The following FAM110B variants were observed in gnomAD, a reference collection of about 807,000 sequenced individuals.
The protein encoded by FAM110B is family with sequence similarity 110 member B, also known as protein FAM110B.
In FAM110B, 6 loss-of-function variants were observed where a neutral mutation model predicts 20.4. That is an observed-to-expected ratio of 0.29 (90% CI 0.16 to 0.58). FAM110B has a LOEUF of 0.58. Ranked by LOEUF, FAM110B falls within the 20% of genes least tolerant of loss-of-function variation. The pLI is 0.90. For missense variants in FAM110B, 434 were observed against 498.2 expected (o/e 0.87, Z 1.23); for synonymous variants, 226 against 214.1 (o/e 1.06, Z -0.49).
At chr8:58,024,577 G>T (rs762103163) in intron 1 of FAM110B, among the ~76,000 whole-genome samples, 1 of 152,148 alleles carries the variant, frequency 6.6e-6, no homozygotes, top group Non-Finnish European at 1.5e-5. Flanking sequence ...ATTTGTCCAA[G>T]GTACGTTATG....
chr8:58,075,730 T>C (rs1301920435), intron 3 of FAM110B, 107 bp downstream of exon 3: 1 of 152,096 alleles, frequency 6.6e-6, no homozygotes, highest in Non-Finnish European at 1.5e-5. Context: ...GTTTCAGATA[T>C]TTTGCTGTCT....
chr8:58,082,468 A>G (rs917268195), intron 3 of FAM110B, among the ~76,000 whole-genome samples: 10 of 152,290 alleles, frequency 6.6e-5, no homozygotes, highest in Middle Eastern at 3.4e-3. Flanking sequence ...TTTACATTCT[A>G]TGTCCTCAGA....
At chr8:58,144,064 G>A (rs1415939971) in intron 3 of FAM110B, among the ~76,000 whole-genome samples, 2 of 152,216 alleles carry the variant, frequency 1.3e-5, no homozygotes, top group Non-Finnish European at 2.9e-5. Flanking sequence ...TCGTGCCCCA[G>A]GAGAAGGGAG....
intron 2 of FAM110B, among the ~76,000 whole-genome samples, chr8:58,056,455 G>A (rs1234762496): frequency 6.6e-6 from 1 of 152,118 alleles, no homozygotes. Context: ...GACTAAGAGA[G>A]AGCACTGACA....
chr8:58,106,377 A>C (rs1197082429), intron 3 of FAM110B: 1 of 152,164 alleles, frequency 6.6e-6, no homozygotes, highest in East Asian at 1.9e-4. Context: ...CCTCCCCACC[A>C]AGAGTGATAA....
intron 2 of FAM110B, among the ~76,000 whole-genome samples, chr8:58,045,523 G>T (rs1161055805): frequency 3.3e-5 from 5 of 152,094 alleles, no homozygotes; most frequent in Admixed American, 1.3e-4. Context: ...GTCTTCTAAT[G>T]ACTTGGACTT....
intron 2 of FAM110B, among the ~76,000 whole-genome samples, chr8:58,040,106 C>A (rs1393893283): frequency 6.6e-6 from 1 of 152,140 alleles, no homozygotes; most frequent in Non-Finnish European, 1.5e-5. Context: ...CCCTTCTCTG[C>A]CTCCCAAAGC....
intron 3 of FAM110B, among the ~76,000 whole-genome samples, chr8:58,079,694 T>C (rs1215578488): frequency 1.3e-5 from 2 of 152,010 alleles, no homozygotes; most frequent in African/African-American, 4.8e-5. Flanking sequence ...GGTGGGAGGA[T>C]TGCTTCATCC....
intron 1 of FAM110B, among the ~76,000 whole-genome samples, chr8:57,999,929 G>C (rs1299381159): frequency 6.6e-6 from 1 of 152,018 alleles, no homozygotes; most frequent in Non-Finnish European, 1.5e-5. Flanking sequence ...CCATGAATGT[G>C]GAGTGTCTAC....
chr8:58,078,653 C>A (rs1806101078), intron 3 of FAM110B, among the ~76,000 whole-genome samples: 2 of 150,756 alleles, frequency 1.3e-5, no homozygotes, highest in Admixed American at 1.3e-4. Flanking sequence ...CAGGTTCACG[C>A]CATTCTCCTG....
chr8:58,119,988 G>A (rs1422130345), intron 3 of FAM110B, among the ~76,000 whole-genome samples: 1 of 152,166 alleles, frequency 6.6e-6, no homozygotes, highest in African/African-American at 2.4e-5. Context: ...CCAAGCCAAG[G>A]TCGGTCCGAC....
chr8:58,063,748 T>A (rs1169411422), intron 2 of FAM110B, among the ~76,000 whole-genome samples: 2 of 152,224 alleles, frequency 1.3e-5, no homozygotes, highest in East Asian at 3.8e-4. Flanking sequence ...AATAGGACTT[T>A]TTGATAACTT....
chr8:58,004,298 G>C (rs933561450), intron 1 of FAM110B, among the ~76,000 whole-genome samples: 1 of 152,082 alleles, frequency 6.6e-6, no homozygotes, highest in Non-Finnish European at 1.5e-5. Flanking sequence ...CCAATATAAG[G>C]CCATTTTGTC....
intron 2 of FAM110B, among the ~76,000 whole-genome samples, chr8:58,040,177 C>A (rs534013271): frequency 6.6e-6 from 1 of 151,864 alleles, no homozygotes; most frequent in Non-Finnish European, 1.5e-5. Flanking sequence ...TTTGAGTGAA[C>A]GCTTTTTTTT....
At chr8:58,104,140 C>G (rs761362880) in intron 3 of FAM110B, among the ~76,000 whole-genome samples, 2 of 152,192 alleles carry the variant, frequency 1.3e-5, no homozygotes, top group Non-Finnish European at 2.9e-5. Flanking sequence ...TACCTGTCAA[C>G]TTAAGAAACA....
chr8:58,068,666 C>T (rs1805826920), intron 2 of FAM110B, among the ~76,000 whole-genome samples: 1 of 151,380 alleles, frequency 6.6e-6, no homozygotes, highest in African/African-American at 2.4e-5. Context: ...TGGAATTTGA[C>T]TGGTAGAACA....
At chr8:57,999,162 C>A (rs563297890) in intron 1 of FAM110B, among the ~76,000 whole-genome samples, 3 of 152,272 alleles carry the variant, frequency 2.0e-5, no homozygotes, top group African/African-American at 7.2e-5. Flanking sequence ...CAGTTTTAAA[C>A]CGGCATTAAA....
intron 1 of FAM110B, among the ~76,000 whole-genome samples, chr8:58,021,815 A>G (rs759491655): frequency 2.6e-5 from 4 of 152,188 alleles, no homozygotes; most frequent in Non-Finnish European, 5.9e-5. Flanking sequence ...TATTCTGACT[A>G]CTAAATGATA....
At chr8:58,105,132 AT>A (rs1247947687) in intron 3 of FAM110B, among the ~76,000 whole-genome samples, 11 of 151,608 alleles carry the variant, frequency 7.3e-5, no homozygotes. Flanking sequence ...GGAGGTGGTA[AT>A]TTCTAAGACT....
Sources: allele counts gnomAD v4.1 joint callset (sites outside exome capture counted in the v4.1 genomes callset), GRCh38; gene constraint gnomAD v4.1.1; transcripts MANE v1.5; gene names NCBI Gene and HGNC (gene_info 2026-07-23, HGNC 2026-07-21).